Variants in PTPRD observed in about 807,000 individuals in gnomAD.
The protein encoded by PTPRD is receptor-type tyrosine-protein phosphatase delta.
Under a neutral mutation model 214.5 loss-of-function variants are expected in PTPRD, and 34 were observed. The ratio of observed to expected loss-of-function variants is 0.16; its 90% CI spans 0.12 to 0.21. The LOEUF (loss-of-function observed/expected upper bound fraction) is 0.21. PTPRD is among the 10% of genes least tolerant of loss of function. The pLI, the probability that PTPRD is intolerant of heterozygous loss-of-function variation, is 1.00. For synonymous variants in PTPRD, 1,128 were observed against 845.7 expected (o/e 1.33, Z -5.79); for missense variants, 2,545 against 2,398.7 (o/e 1.06, Z -1.27).
intron 2 of PTPRD, among the ~76,000 whole-genome samples, chr9:10,523,601 G>GTATATATATATATATACATATATATA (rs1555471554): frequency 1.6e-5 from 1 of 64,336 alleles, no homozygotes; most frequent in Non-Finnish European, 3.2e-5. Flanking sequence ...ATATTTATCT[G>GTATATATATATATATACATATATATA]TATATATATA....
At chr9:9,193,599 A>G (rs905604439) in intron 9 of PTPRD, among the ~76,000 whole-genome samples, 9 of 152,306 alleles carry the variant, frequency 5.9e-5, no homozygotes, top group African/African-American at 2.2e-4. Flanking sequence ...ACCATGCTGA[A>G]TACTGTAGGC....
At chr9:10,266,945 C>T (rs1172612100) in intron 3 of PTPRD, among the ~76,000 whole-genome samples, 1 of 151,944 alleles carries the variant, frequency 6.6e-6, no homozygotes, top group East Asian at 1.9e-4. Context: ...AATCCCAGCA[C>T]TTTGGGAGGC....
intron 4 of PTPRD, among the ~76,000 whole-genome samples, chr9:9,959,179 G>A (rs1057320872): frequency 1.3e-5 from 2 of 152,078 alleles, no homozygotes; most frequent in African/African-American, 2.4e-5. Context: ...AAAAGAAATT[G>A]CCTATCAAGC....
intron 2 of PTPRD, among the ~76,000 whole-genome samples, chr9:10,495,270 A>G (rs1440885641): frequency 6.6e-6 from 1 of 151,770 alleles, no homozygotes; most frequent in African/African-American, 2.4e-5. Context: ...CTGATGAAAC[A>G]TCTCTTTTCC....
intron 3 of PTPRD, among the ~76,000 whole-genome samples, chr9:10,146,491 T>C (rs1186353949): frequency 6.6e-6 from 1 of 152,054 alleles, no homozygotes; most frequent in East Asian, 1.9e-4. Flanking sequence ...TCGGTTGAAA[T>C]TATGACCTCA....
chr9:8,584,913 G>A (rs932781331), intron 14 of PTPRD, among the ~76,000 whole-genome samples: 10 of 152,144 alleles, frequency 6.6e-5, no homozygotes, highest in South Asian at 2.1e-4. Flanking sequence ...AGCAAAGGGC[G>A]GGAAAAGTCC....
intron 9 of PTPRD, among the ~76,000 whole-genome samples, chr9:9,353,004 AT>A: frequency 1.3e-5 from 2 of 152,000 alleles, no homozygotes; most frequent in East Asian, 3.9e-4. Context: ...TATTGTTCTT[AT>A]TTTCAATGAT....
chr9:9,665,059 T>G (rs1187194161), intron 7 of PTPRD, among the ~76,000 whole-genome samples: 2 of 151,682 alleles, frequency 1.3e-5, no homozygotes, highest in East Asian at 3.9e-4. Flanking sequence ...GTATATTTGT[T>G]TGTATTAAGG....
At chr9:10,456,697 T>C (rs187613892) in intron 2 of PTPRD, among the ~76,000 whole-genome samples, 1 of 151,800 alleles carries the variant, frequency 6.6e-6, no homozygotes, top group African/African-American at 2.4e-5. Context: ...CAGTGTGTTT[T>C]CTTTTCTTAC....
intron 27 of PTPRD, among the ~76,000 whole-genome samples, chr9:8,491,762 G>T (rs2097155782): frequency 6.6e-6 from 1 of 152,044 alleles, no homozygotes; most frequent in South Asian, 2.1e-4. Context: ...ATGCGAGCGA[G>T]GCAAATCTTA....
At chr9:9,739,463 T>C (rs940000317) in intron 6 of PTPRD, among the ~76,000 whole-genome samples, 5 of 152,190 alleles carry the variant, frequency 3.3e-5, no homozygotes, top group Admixed American at 6.6e-5. Context: ...TTTCTAGAAA[T>C]TTTATTCAAA....
intron 3 of PTPRD, among the ~76,000 whole-genome samples, chr9:10,311,699 T>G (rs780208598): frequency 6.6e-6 from 1 of 152,062 alleles, no homozygotes; most frequent in Non-Finnish European, 1.5e-5. Flanking sequence ...AGGTTATTGA[T>G]AGTAGTGGCA....
chr9:9,621,676 T>A (rs1213356423), intron 7 of PTPRD, among the ~76,000 whole-genome samples: 1 of 152,122 alleles, frequency 6.6e-6, no homozygotes. Context: ...GACTATAAGG[T>A]GCAATCTGGT....
intron 11 of PTPRD, among the ~76,000 whole-genome samples, chr9:8,903,220 T>G (rs1261392988): frequency 1.3e-5 from 2 of 152,090 alleles, no homozygotes; most frequent in African/African-American, 4.8e-5. Flanking sequence ...GCATACTGCA[T>G]GACGCCGAGG....
intron 4 of PTPRD, among the ~76,000 whole-genome samples, chr9:9,943,881 C>T (rs2092104270): frequency 6.6e-6 from 1 of 152,120 alleles, no homozygotes; most frequent in Admixed American, 6.5e-5. Flanking sequence ...CAGCTCTCAT[C>T]CCAATCTGCA....
At chr9:9,635,496 T>G (rs1244437763) in intron 7 of PTPRD, among the ~76,000 whole-genome samples, 3 of 152,322 alleles carry the variant, frequency 2.0e-5, no homozygotes, top group Non-Finnish European at 2.9e-5. Context: ...TCACTCAGTT[T>G]CATTCAATTC....
intron 9 of PTPRD, among the ~76,000 whole-genome samples, chr9:9,247,199 G>A (rs1312748992): frequency 6.6e-6 from 1 of 151,988 alleles, no homozygotes; most frequent in Non-Finnish European, 1.5e-5. Context: ...TCCAGAAGGG[G>A]TCCTTCCCTA....
At chr9:10,060,999 T>C (rs1197151731) in intron 3 of PTPRD, among the ~76,000 whole-genome samples, 1 of 149,738 alleles carries the variant, frequency 6.7e-6, no homozygotes, top group Non-Finnish European at 1.5e-5. Flanking sequence ...CTTTCTTTCC[T>C]CTCTTTCTGT....
chr9:9,875,493 C>G (rs1387361201), intron 5 of PTPRD, among the ~76,000 whole-genome samples: 1 of 152,036 alleles, frequency 6.6e-6, no homozygotes, highest in Admixed American at 6.6e-5. Flanking sequence ...ATCTACACTG[C>G]CTTCTTATTT....
Sources: allele counts gnomAD v4.1 joint callset (sites outside exome capture counted in the v4.1 genomes callset), GRCh38; gene constraint gnomAD v4.1.1; transcripts MANE v1.5; gene names NCBI Gene and HGNC (gene_info 2026-07-23, HGNC 2026-07-21).